The following CSMD1 variants were observed in gnomAD, a reference collection of about 807,000 sequenced individuals.
CSMD1 encodes CUB and Sushi multiple domains 1.
In CSMD1, 213 loss-of-function variants were observed where a neutral mutation model predicts 417.5. The ratio of observed to expected loss-of-function variants is 0.51; its 90% CI spans 0.46 to 0.57. The LOEUF (loss-of-function observed/expected upper bound fraction) is 0.57, where lower values mean the gene tolerates loss of function less well. CSMD1 is among the 20% of genes least tolerant of loss of function. The probability of loss-of-function intolerance (pLI) is 0.00; values close to 1 mark genes in which losing one functional copy is unlikely to be tolerated. For synonymous variants in CSMD1, 2,862 were observed against 1,736.8 expected, an observed-to-expected ratio of 1.65 and a Z score of -16.11; for missense variants, 6,923 against 4,529.7, an observed-to-expected ratio of 1.53 and a Z score of -15.17.
In CSMD1 at chr8:3,187,873, G is replaced by A; in HGVS notation, c.5616C>T (p.Phe1872=). The A allele has an allele frequency of 2.5e-6, 4 of 1,612,416 alleles. No homozygotes were observed. The highest frequency in any genetic ancestry group is 3.4e-6 in the Non-Finnish European group (4 of 1,179,104). ...GDVTAPRLGS[F]SGTTVPALLN... The stretch of plus-strand genomic sequence containing the variant: ...AGGAAATTGACTCCATCTTACCTGA[G>A]AAGCTTCCCAGTCTGGGTGCGGTCA... Residue 1872 remains phenylalanine (F), a synonymous_variant, in exon 36 of 70, where the codon TTC becomes TTT. Transcript: ENST00000635120.
chr8:3,372,922 G>A (rs1286902904), intron 18 of CSMD1, among the ~76,000 whole-genome samples: 1 of 152,156 alleles, frequency 6.6e-6, no homozygotes, highest in East Asian at 1.9e-4. Context: ...ACCAGCAGAG[G>A]ACGGAGGAGT....
At chr8:4,381,884 C>A (rs1803129862) in intron 3 of CSMD1, among the ~76,000 whole-genome samples, 1 of 151,980 alleles carries the variant, frequency 6.6e-6, no homozygotes, top group Non-Finnish European at 1.5e-5. Flanking sequence ...CTTTTTGGTT[C>A]CCTGCTATAC....
intron 5 of CSMD1, among the ~76,000 whole-genome samples, chr8:3,876,134 A>C (rs1805800465): frequency 6.6e-6 from 1 of 152,194 alleles, no homozygotes; most frequent in Non-Finnish European, 1.5e-5. Flanking sequence ...AAAAGCAAGA[A>C]ATTAACCTCT....
At chr8:3,612,232 G>C (rs1181975001) in intron 8 of CSMD1, among the ~76,000 whole-genome samples, 3 of 151,884 alleles carry the variant, frequency 2.0e-5, no homozygotes, top group Non-Finnish European at 4.4e-5. Context: ...ATAACAAAAG[G>C]TATTGAAGAA....
intron 3 of CSMD1, among the ~76,000 whole-genome samples, chr8:4,415,793 G>T (rs890324946): frequency 1.3e-5 from 2 of 152,166 alleles, no homozygotes; most frequent in East Asian, 3.9e-4. Context: ...ATGAGCACAC[G>T]TGTTTACATG....
At chr8:4,082,006 A>T (rs1238182719) in intron 3 of CSMD1, among the ~76,000 whole-genome samples, 1 of 152,178 alleles carries the variant, frequency 6.6e-6, no homozygotes, top group Non-Finnish European at 1.5e-5. Flanking sequence ...AAAAAAATAT[A>T]TAAAATTTTA....
chr8:3,254,060 G>T (rs2117047875), intron 26 of CSMD1, among the ~76,000 whole-genome samples: 1 of 152,210 alleles, frequency 6.6e-6, no homozygotes, highest in South Asian at 2.1e-4. Context: ...GCTCTTGTAG[G>T]GCAGGCCTGG....
At chr8:4,337,563 T>C (rs1446026098) in intron 3 of CSMD1, among the ~76,000 whole-genome samples, 2 of 152,170 alleles carry the variant, frequency 1.3e-5, no homozygotes, top group African/African-American at 2.4e-5. Flanking sequence ...ATGAAGTACA[T>C]GTGAGGCATA....
At chr8:4,347,256 G>A (rs960096313) in intron 3 of CSMD1, among the ~76,000 whole-genome samples, 6 of 152,048 alleles carry the variant, frequency 3.9e-5, no homozygotes, top group South Asian at 2.1e-4. Context: ...AGACATCCAC[G>A]ATTTGGGGTA....
intron 2 of CSMD1, among the ~76,000 whole-genome samples, chr8:4,488,781 A>G (rs1312073664): frequency 2.0e-5 from 3 of 152,170 alleles, no homozygotes; most frequent in African/African-American, 7.2e-5. Flanking sequence ...CTGCGTATCC[A>G]AAAAGGAAAT....
At chr8:3,427,546 T>G (rs1486796319) in intron 12 of CSMD1, among the ~76,000 whole-genome samples, 2 of 152,190 alleles carry the variant, frequency 1.3e-5, no homozygotes, top group Admixed American at 1.3e-4. Context: ...TTCATCAATA[T>G]AGGTGTATGG....
intron 3 of CSMD1, among the ~76,000 whole-genome samples, chr8:4,229,349 A>C (rs889470429): frequency 6.6e-6 from 1 of 152,056 alleles, no homozygotes; most frequent in Admixed American, 6.5e-5. Context: ...TTTCTTATCC[A>C]CTTTTGTGCC....
At chr8:4,308,526 G>T (rs551670026) in intron 3 of CSMD1, among the ~76,000 whole-genome samples, 98 of 152,336 alleles carry the variant, frequency 6.4e-4, no homozygotes, top group Non-Finnish European at 1.1e-3. Context: ...AGACCCTGCT[G>T]TGTTTAGCAG....
intron 3 of CSMD1, among the ~76,000 whole-genome samples, chr8:4,373,543 C>A (rs1320353101): frequency 6.6e-6 from 1 of 152,220 alleles, no homozygotes; most frequent in Non-Finnish European, 1.5e-5. Context: ...CCTCTCACTT[C>A]TATTACGTAC....
chr8:3,024,970 TG>T (rs1563250832), intron 51 of CSMD1, among the ~76,000 whole-genome samples: 1 of 150,198 alleles, frequency 6.7e-6, no homozygotes, highest in Non-Finnish European at 1.5e-5. Flanking sequence ...GTGTATTGTG[TG>T]GTGTTATTCT....
intron 3 of CSMD1, among the ~76,000 whole-genome samples, chr8:4,107,383 A>G (rs17069018): frequency 0.18 from 27,093 of 152,182 alleles, 2,608 homozygotes; most frequent in South Asian, 0.36. Flanking sequence ...AGTCCTCTCT[A>G]TACAAAAATC....
chr8:3,648,286 T>C (rs1797677561), intron 7 of CSMD1, among the ~76,000 whole-genome samples: 1 of 152,256 alleles, frequency 6.6e-6, no homozygotes. Context: ...AGTAATATAT[T>C]TCAAATCTGC....
At chr8:3,217,611 A>C (rs1797956051) in intron 29 of CSMD1, among the ~76,000 whole-genome samples, 1 of 152,218 alleles carries the variant, frequency 6.6e-6, no homozygotes, top group African/African-American at 2.4e-5. Context: ...TTAAGAAACT[A>C]AATTATGATG....
chr8:4,378,481 A>G (rs2128917213), intron 3 of CSMD1, among the ~76,000 whole-genome samples: 1 of 152,254 alleles, frequency 6.6e-6, no homozygotes, highest in African/African-American at 2.4e-5. Context: ...CCTAGTTTTT[A>G]TCCCCTTTAT....
Sources: allele counts gnomAD v4.1 joint callset (sites outside exome capture counted in the v4.1 genomes callset), GRCh38; gene constraint gnomAD v4.1.1; transcripts MANE v1.5; gene names NCBI Gene and HGNC (gene_info 2026-07-23, HGNC 2026-07-21).